Variants in PDCD6IP observed in about 807,000 individuals in gnomAD.
PDCD6IP encodes programmed cell death 6-interacting protein.
PDCD6IP carries 43 observed loss-of-function variants against 103.7 expected under a neutral mutation model. The ratio of observed to expected loss-of-function variants is 0.41; its 90% CI spans 0.32 to 0.53. The LOEUF (loss-of-function observed/expected upper bound fraction) is 0.53, where lower values mean the gene tolerates loss of function less well. Ranked by LOEUF, PDCD6IP falls within the 20% of genes least tolerant of loss-of-function variation. The pLI, the probability that PDCD6IP is intolerant of heterozygous loss-of-function variation, is 0.16. For synonymous variants in PDCD6IP, 354 were observed against 378.7 expected, an observed-to-expected ratio of 0.93 and a Z score of 0.76; for missense variants, 871 against 1,036.7, an observed-to-expected ratio of 0.84 and a Z score of 2.20.
At chr3:33,855,396 T>A in intron 15 of PDCD6IP, 136 bp downstream of exon 15, 2 of 534,410 alleles carry the variant, frequency 3.7e-6, no homozygotes, top group Admixed American at 3.5e-5. Context: ...AGATAGAGTA[T>A]TTTACAAAGC....
chr3:33,832,419 T>C lies in PDCD6IP; in HGVS notation c.834+3450T>C, dbSNP rs577887188. 5.9e-5 allele frequency among the ~76,000 whole-genome samples: 9 copies of C among 152,282 alleles called. No homozygotes were observed. The East Asian group carries it at 1.7e-3, about 29-fold the overall frequency. ...GCACAGTCCCGTACATAGCAGCAGG[T>C]ATATCTTAAATAAATTAATAGAAAT... is the stretch of plus-strand genomic sequence containing the variant. On this transcript the variant is annotated intron_variant, in intron 7 of 17. Coordinates refer to ENST00000307296, the MANE Select transcript of PDCD6IP (RefSeq NM_013374.6).
intron 1 of PDCD6IP, among the ~76,000 whole-genome samples, chr3:33,799,916 C>T (rs1380969008): frequency 1.3e-5 from 2 of 151,798 alleles, no homozygotes; most frequent in Non-Finnish European, 2.9e-5. Flanking sequence ...GTCAGGAGAT[C>T]GACACCATCC....
intron 6 of PDCD6IP, among the ~76,000 whole-genome samples, chr3:33,828,126 T>TTA (rs1347279988): frequency 3.9e-5 from 6 of 152,170 alleles, no homozygotes; most frequent in African/African-American, 1.4e-4. Flanking sequence ...CTTTCCTGCT[T>TTA]TATGTCTTTG....
intron 4 of PDCD6IP, among the ~76,000 whole-genome samples, chr3:33,822,479 TTGTTACAA>T (rs1361184841): frequency 6.6e-6 from 1 of 152,136 alleles, no homozygotes; most frequent in Non-Finnish European, 1.5e-5. Context: ...AATTTCACTG[TTGTTACAA>T]AAATAAAGAC....
intron 5 of PDCD6IP, 38 bp downstream of exon 5, chr3:33,825,378 A>C: frequency 6.6e-7 from 1 of 1,514,562 alleles, no homozygotes; most frequent in Non-Finnish European, 9.0e-7. Context: ...TGTGAAAAAA[A>C]GTGATAAGGC....
intron 13 of PDCD6IP, among the ~76,000 whole-genome samples, chr3:33,853,081 G>A (rs1206139447): frequency 6.6e-6 from 1 of 151,960 alleles, no homozygotes; most frequent in Non-Finnish European, 1.5e-5. Flanking sequence ...CCGCCACCAC[G>A]CCTGGCTAAT....
At chr3:33,858,165 C>G (rs1033884042) in intron 15 of PDCD6IP, among the ~76,000 whole-genome samples, 1 of 151,904 alleles carries the variant, frequency 6.6e-6, no homozygotes, top group African/African-American at 2.4e-5. Context: ...ATGAAGAGAC[C>G]CACTTACAGT....
chr3:33,835,996 A>C, intron 7 of PDCD6IP, 48 bp from the exon 8 acceptor site: 1 of 1,054,422 alleles, frequency 9.5e-7, no homozygotes, highest in Non-Finnish European at 1.4e-6. Flanking sequence ...AGAGAAATAA[A>C]ATCACCTCCC....
rs576287781 is a variant in PDCD6IP, at chr3:33,845,369, G to A, written c.1472-50G>A. 1.2e-5 allele frequency: 17 copies of A among 1,409,992 alleles called. No homozygotes were observed. In the South Asian group the frequency reaches 1.3e-4, roughly 11 times the overall value. The allele number at this position is 1,409,992 out of a possible 1,614,324, so 87.3% of individuals were successfully genotyped here. A position where few individuals can be genotyped will look rare whatever the true frequency, so the allele number is the denominator to read the frequency against. On this transcript the variant is annotated intron_variant, in intron 11 of 17. Coordinates refer to ENST00000307296, the MANE Select transcript of PDCD6IP (RefSeq NM_013374.6). The stretch of plus-strand genomic sequence containing the variant: ...CTCAACATATAACCAGCCGATAAAC[G>A]TTGCTGTTAGAATCACTTCTGTGCT...
rs1698143277 is a variant in PDCD6IP at position 33,869,603 on chromosome 3, A to G, written c.*3078A>G. 1 of 152,176 alleles carries G rather than the reference A, an allele frequency of 6.6e-6. No homozygotes were observed. Among genetic ancestry groups the G allele is most frequent in the South Asian group, 2.1e-4 (1 of 4,834 alleles). 9.4% of individuals were successfully genotyped at this position (152,176 alleles called of 1,614,324 possible). On this transcript the variant is annotated 3_prime_UTR_variant, in exon 18 of 18. Coordinates refer to ENST00000307296, the MANE Select transcript of PDCD6IP (RefSeq NM_013374.6). Reference sequence around the variant, plus strand: ...GGTTAGAAACATTGCTGGTAGTTGGATTATATTTTTATTGTATTCATTTAT... The same window carrying G: ...GGTTAGAAACATTGCTGGTAGTTGGGTTATATTTTTATTGTATTCATTTAT...
At chr3:33,799,057 C>A (rs1696405503) in intron 1 of PDCD6IP, 120 bp downstream of exon 1, 6 of 978,482 alleles carry the variant, frequency 6.1e-6, no homozygotes, top group African/African-American at 3.3e-5. Flanking sequence ...CCCGGCCTGA[C>A]CAGGCGCGTA....
chr3:33,802,785 C>T (rs1226389343), intron 1 of PDCD6IP, among the ~76,000 whole-genome samples: 7 of 152,252 alleles, frequency 4.6e-5, no homozygotes, highest in East Asian at 1.9e-4. Context: ...CCACTGTGCC[C>T]GGCCAATCTC....
At chr3:33,830,858 C>G (rs1221332442) in intron 7 of PDCD6IP, among the ~76,000 whole-genome samples, 1 of 152,200 alleles carries the variant, frequency 6.6e-6, no homozygotes, top group Non-Finnish European at 1.5e-5. Context: ...ACCATATTCG[C>G]TGTAGTTTCT....
chr3:33,815,858 C>T (rs1232846392), intron 3 of PDCD6IP, among the ~76,000 whole-genome samples: 2 of 152,112 alleles, frequency 1.3e-5, no homozygotes, highest in African/African-American at 4.8e-5. Flanking sequence ...GATATACATT[C>T]GGGAACAATT....
Position 33,838,267 on chromosome 3 carries a change from A to C in PDCD6IP, c.1121A>C (p.Lys374Thr). ...TCTTTGGCTGCCTATAATCAGAGGA[A>C]AGCCGATTTGGTTAACAGATCAATT... ...QQSLAAYNQRKADLVNRSIAQ... is the reference protein window; with the variant it reads ...QQSLAAYNQRTADLVNRSIAQ... Residue 374 changes from lysine to threonine, a missense_variant, in exon 9 of 18, where the codon AAA becomes ACA. Physicochemically the swap from Lys to Thr is moderately conservative, Grantham distance 78 (BLOSUM62 -1). Coordinates refer to ENST00000307296, the MANE Select transcript of PDCD6IP (RefSeq NM_013374.6). 6.2e-7 allele frequency: 1 copy of C among 1,613,418 alleles called. No homozygotes were observed. Among genetic ancestry groups the C allele is most frequent in the East Asian group, 2.2e-5 (1 of 44,854 alleles).
intron 12 of PDCD6IP, among the ~76,000 whole-genome samples, chr3:33,851,174 G>A (rs1423005797): frequency 1.3e-5 from 2 of 152,052 alleles, no homozygotes; most frequent in Non-Finnish European, 2.9e-5. Flanking sequence ...ATGGGAATTG[G>A]AATTGCTGCT....
chr3:33,855,804 T>C (rs1477062955), intron 15 of PDCD6IP, among the ~76,000 whole-genome samples: 2 of 152,198 alleles, frequency 1.3e-5, no homozygotes, highest in African/African-American at 4.8e-5. Flanking sequence ...CAAAATAATA[T>C]TGTCACAGAA....
chr3:33,828,917 C>T lies in PDCD6IP; in HGVS notation c.782C>T (p.Ser261Phe). 3 of 1,611,116 alleles carry T rather than the reference C, an allele frequency of 1.9e-6. No homozygotes were observed. The highest frequency in any genetic ancestry group is 2.5e-6 in the Non-Finnish European group (3 of 1,178,230). ...CAGGCCAATGCTGAGTACCATCAGT[C>T]TATCCTGGCAAAACAGCAGAAGAAA... ...IMQANAEYHQ[S>F]ILAKQQKKFG... Residue 261 changes from serine to phenylalanine, a missense_variant, in exon 7 of 18, where the codon TCT becomes TTT. Transcript: ENST00000307296.
At chr3:33,834,205 T>C (rs1319327330) in intron 7 of PDCD6IP, among the ~76,000 whole-genome samples, 2 of 152,122 alleles carry the variant, frequency 1.3e-5, no homozygotes, top group Admixed American at 6.6e-5. Flanking sequence ...TTTTCTGTGG[T>C]CCCCTGGTGG....
Sources: allele counts gnomAD v4.1 joint callset (sites outside exome capture counted in the v4.1 genomes callset), GRCh38; gene constraint gnomAD v4.1.1; transcripts MANE v1.5; gene names NCBI Gene and HGNC (gene_info 2026-07-23, HGNC 2026-07-21).